SYNPR: variants seen among roughly 807,000 people sequenced by gnomAD.
The protein encoded by SYNPR is synaptoporin.
SYNPR carries 23 observed loss-of-function variants against 32.9 expected under a neutral mutation model. The observed-to-expected ratio is 0.70, with a 90% CI of 0.50 to 0.99. The LOEUF is 0.99. Ranked by LOEUF, SYNPR falls within the 50% of genes least tolerant of loss-of-function variation. SYNPR has a pLI of 0.00. For missense variants in SYNPR, 318 were observed against 349.3 expected, an observed-to-expected ratio of 0.91 and a Z score of 0.71; for synonymous variants, 146 against 135.9, an observed-to-expected ratio of 1.07 and a Z score of -0.52.
chr3:63,559,013 T>C (rs1162683369), intron 4 of SYNPR, among the ~76,000 whole-genome samples: 1 of 151,942 alleles, frequency 6.6e-6, no homozygotes, highest in Non-Finnish European at 1.5e-5. Context: ...AAGTAACTGT[T>C]CCATTGATAC....
chr3:63,266,824 C>T (rs1164208433), intron 2 of SYNPR, among the ~76,000 whole-genome samples: 3 of 151,982 alleles, frequency 2.0e-5, no homozygotes, highest in South Asian at 4.1e-4. Flanking sequence ...GCTGGCTTCT[C>T]CACGAGACCC....
At chr3:63,343,289 T>A (rs1347938985) in intron 2 of SYNPR, among the ~76,000 whole-genome samples, 1 of 152,204 alleles carries the variant, frequency 6.6e-6, no homozygotes, top group African/African-American at 2.4e-5. Context: ...GGAAAAATCA[T>A]GCACAGATTT....
chr3:63,210,729 A>G, the SYNPR span, among the ~76,000 whole-genome samples: 2 of 152,154 alleles, frequency 1.3e-5, no homozygotes, highest in African/African-American at 4.8e-5. Context: ...ATCTTCTATA[A>G]GTTGTTTCAA....
Position 63,609,155 on chromosome 3 carries a change from T to C in SYNPR, c.439T>C (p.Leu147=), listed in dbSNP as rs1327763451. ...DFIVTVVFSF[L]WLVGSSAWAK... The stretch of plus-strand genomic sequence containing the variant: ...CATTGTCACTGTAGTCTTTTCGTTC[T>C]TGTGGTTGGTGGGTTCATCAGCTTG... The change falls in exon 5 of 6, where the codon TTG becomes CTG. Residue 147 remains leucine (L), a synonymous_variant. Coordinates refer to ENST00000478300, the MANE Select transcript of SYNPR (RefSeq NM_001130003.2). 1 of 1,610,936 alleles carries C rather than the reference T, an allele frequency of 6.2e-7. No individual in the cohort carries two copies. The highest frequency in any genetic ancestry group is 8.5e-7 in the Non-Finnish European group (1 of 1,178,468).
chr3:63,424,274 A>AT (rs1186539031), intron 2 of SYNPR, among the ~76,000 whole-genome samples: 4 of 152,086 alleles, frequency 2.6e-5, no homozygotes, highest in Non-Finnish European at 2.9e-5. Context: ...TGAAGAGCTT[A>AT]TTTTTTTGAA....
rs554413150 is a variant in SYNPR at position 63,577,809 on chromosome 3, A to ATTC, written c.408+21070_408+21072dup. ...AGTACGTGTTTCCAAGGCATGATGA[A>ATTC]TTCTAAGTCACTTATGTATACAACT... On this transcript the variant is annotated intron_variant, in intron 4 of 5. Transcript: ENST00000478300. Among the ~76,000 whole-genome samples, 209 of 152,272 alleles carry ATTC rather than the reference A, an allele frequency of 1.4e-3. 1 individual carries two copies. Among genetic ancestry groups the ATTC allele is most frequent in the African/African-American group, 4.9e-3 (203 of 41,564 alleles).
chr3:63,227,484 C>T (rs1017877620), upstream of SYNPR, among the ~76,000 whole-genome samples: 13 of 152,112 alleles, frequency 8.5e-5, no homozygotes, highest in African/African-American at 2.2e-4. Context: ...AACCAAACTA[C>T]GGTCACTTAA....
chr3:63,374,433 G>C (rs903062842), intron 2 of SYNPR, among the ~76,000 whole-genome samples: 5 of 152,120 alleles, frequency 3.3e-5, no homozygotes, highest in African/African-American at 9.7e-5. Flanking sequence ...TGGTATACTT[G>C]AGGGTGGAGT....
At chr3:63,280,298 T>C (rs1166437140) in intron 2 of SYNPR, among the ~76,000 whole-genome samples, 1 of 152,182 alleles carries the variant, frequency 6.6e-6, no homozygotes, top group Non-Finnish European at 1.5e-5. Context: ...CTTGTTCAAA[T>C]TACAGGTTTC....
At chr3:63,581,658 A>G (rs527571625) in intron 4 of SYNPR, among the ~76,000 whole-genome samples, 4 of 152,178 alleles carry the variant, frequency 2.6e-5, no homozygotes, top group African/African-American at 9.6e-5. Context: ...GTTCAAAGAT[A>G]TGTATTTTTG....
intron 2 of SYNPR, among the ~76,000 whole-genome samples, chr3:63,441,038 T>G (rs1216491462): frequency 6.6e-6 from 1 of 152,178 alleles, no homozygotes; most frequent in Non-Finnish European, 1.5e-5. Context: ...TCACGTTGCA[T>G]CCAAAGCAGA....
At chr3:63,537,635 C>T (rs11926493) in intron 3 of SYNPR, among the ~76,000 whole-genome samples, 32,015 of 151,908 alleles carry the variant, frequency 0.21, 3,401 homozygotes, top group East Asian at 0.32. Flanking sequence ...GAAAAATGAA[C>T]AAAATAATAT....
At chr3:63,471,527 G>C (rs757690980) in intron 2 of SYNPR, among the ~76,000 whole-genome samples, 3 of 152,120 alleles carry the variant, frequency 2.0e-5, no homozygotes, top group Non-Finnish European at 4.4e-5. Context: ...CTAAAAGAAA[G>C]AATTAGACAA....
chr3:63,558,908 C>A (rs1192699587), intron 4 of SYNPR, among the ~76,000 whole-genome samples: 1 of 151,386 alleles, frequency 6.6e-6, no homozygotes, highest in African/African-American at 2.4e-5. Context: ...AATAAAAATA[C>A]AAATTCAAGG....
At chr3:63,280,792 G>A (rs568937574) in intron 2 of SYNPR, among the ~76,000 whole-genome samples, 6 of 150,948 alleles carry the variant, frequency 4.0e-5, no homozygotes, top group African/African-American at 1.5e-4. Context: ...ATAGAATAAA[G>A]GTTACTAAGT....
At chr3:63,523,603 C>G (rs1701952475) in intron 3 of SYNPR, among the ~76,000 whole-genome samples, 1 of 152,126 alleles carries the variant, frequency 6.6e-6, no homozygotes, top group African/African-American at 2.4e-5. Context: ...TCAATGTGAG[C>G]CTTCCTAGGG....
At chr3:63,455,658 T>C (rs2106642433) in intron 2 of SYNPR, among the ~76,000 whole-genome samples, 1 of 152,146 alleles carries the variant, frequency 6.6e-6, no homozygotes, top group East Asian at 1.9e-4. Context: ...ATGGGTCAAC[T>C]TAGTTGACAA....
At chr3:63,593,199 CTAA>C (rs942917104) in intron 4 of SYNPR, among the ~76,000 whole-genome samples, 2 of 152,072 alleles carry the variant, frequency 1.3e-5, no homozygotes, top group African/African-American at 2.4e-5. Context: ...AATGCTACTA[CTAA>C]TATTATTAAT....
chr3:63,309,599 T>A (rs2086942140), intron 2 of SYNPR, among the ~76,000 whole-genome samples: 1 of 152,032 alleles, frequency 6.6e-6, no homozygotes, highest in Admixed American at 6.6e-5. Flanking sequence ...GGCAAGACCC[T>A]TCTGGGTCTT....
Sources: allele counts gnomAD v4.1 joint callset (sites outside exome capture counted in the v4.1 genomes callset), GRCh38; gene constraint gnomAD v4.1.1; transcripts MANE v1.5; gene names NCBI Gene and HGNC (gene_info 2026-07-23, HGNC 2026-07-21).